OCA2: variants seen among roughly 807,000 people sequenced by gnomAD.
OCA2 encodes OCA2 melanosomal transmembrane protein.
A neutral mutation model predicts 100.2 loss-of-function variants in OCA2; 77 were observed. The ratio of observed to expected loss-of-function variants is 0.77; its 90% CI spans 0.64 to 0.93. The LOEUF (loss-of-function observed/expected upper bound fraction) is 0.93, where lower values mean the gene tolerates loss of function less well. Among genes scored for constraint, OCA2 ranks in the 40% least tolerant of loss-of-function variants. OCA2 has a pLI of 0.00. For synonymous variants in OCA2, 432 were observed against 439.2 expected (o/e 0.98, Z 0.21); for missense variants, 1,062 against 1,089.1 (o/e 0.98, Z 0.35).
chr15:27,982,938 T>TA (rs1264257769), intron 14 of OCA2, among the ~76,000 whole-genome samples: 1 of 152,202 alleles, frequency 6.6e-6, no homozygotes, highest in Non-Finnish European at 1.5e-5. Flanking sequence ...TTCTGACCCT[T>TA]AAAAAATAAA....
chr15:27,953,105 G>C (rs1316102424), intron 17 of OCA2, among the ~76,000 whole-genome samples: 1 of 152,196 alleles, frequency 6.6e-6, no homozygotes, highest in Non-Finnish European at 1.5e-5. Context: ...GTAGCTTCAT[G>C]GATGCAGGTG....
At chr15:27,778,592 T>C (rs1186659888) in intron 23 of OCA2, among the ~76,000 whole-genome samples, 2 of 151,410 alleles carry the variant, frequency 1.3e-5, no homozygotes, top group South Asian at 2.1e-4. Flanking sequence ...ACATATCTTG[T>C]AGAGAAAAAA....
rs2043981362 is a variant in OCA2 at position 28,064,953 on chromosome 15, G to A, written c.227+16695C>T. The stretch of plus-strand genomic sequence containing the variant: ...TATTAAATGCTGTAGCAGTCCGTTG[G>A]TTTAGGTACTTTTCCAAACTATTTT... On this transcript the variant is annotated intron_variant, in intron 2 of 23. Transcript: ENST00000354638. Among the ~76,000 whole-genome samples the A allele has an allele frequency of 2.0e-5, 3 of 151,828 alleles. No individual in the cohort carries two copies. In the South Asian group the frequency reaches 6.2e-4, roughly 32 times the overall value.
intron 1 of OCA2, among the ~76,000 whole-genome samples, chr15:28,094,811 C>G (rs1418980822): frequency 6.6e-6 from 1 of 152,198 alleles, no homozygotes; most frequent in Non-Finnish European, 1.5e-5. Flanking sequence ...TCAGAGCGCG[C>G]CAGACGCTCA....
intron 23 of OCA2, among the ~76,000 whole-genome samples, chr15:27,764,598 C>T (rs2031107330): frequency 6.6e-6 from 1 of 152,194 alleles, no homozygotes; most frequent in African/African-American, 2.4e-5. Context: ...CATGCATTTG[C>T]TTGCTGTCTA....
intron 23 of OCA2, among the ~76,000 whole-genome samples, chr15:27,793,242 G>C (rs761621601): frequency 5.9e-5 from 9 of 152,102 alleles, no homozygotes; most frequent in Non-Finnish European, 1.2e-4. Flanking sequence ...GCTCAGCTAG[G>C]TTTCAGAGCT....
chr15:28,066,127 C>A (rs2044016276), intron 2 of OCA2, among the ~76,000 whole-genome samples: 1 of 152,104 alleles, frequency 6.6e-6, no homozygotes, highest in Admixed American at 6.5e-5. Flanking sequence ...CAACACTGAA[C>A]AAATGTAAAT....
At chr15:28,040,004 C>T (rs2043155525) in intron 2 of OCA2, among the ~76,000 whole-genome samples, 9 of 150,854 alleles carry the variant, frequency 6.0e-5, no homozygotes, top group Admixed American at 5.9e-4. Context: ...TGCACTCCAG[C>T]CTGGGTGACA....
intron 1 of OCA2, among the ~76,000 whole-genome samples, chr15:28,084,945 C>T (rs1387748745): frequency 6.6e-6 from 1 of 152,190 alleles, no homozygotes; most frequent in African/African-American, 2.4e-5. Context: ...ACATCCACCA[C>T]TTTGCTGTAT....
intron 18 of OCA2, among the ~76,000 whole-genome samples, chr15:27,938,625 T>C (rs2039540992): frequency 6.6e-6 from 1 of 152,178 alleles, no homozygotes; most frequent in East Asian, 1.9e-4. Flanking sequence ...TCACCAAATA[T>C]GAAGACCTCT....
intron 19 of OCA2, among the ~76,000 whole-genome samples, chr15:27,909,117 C>T (rs1405149299): frequency 6.6e-6 from 1 of 152,090 alleles, no homozygotes; most frequent in East Asian, 1.9e-4. Context: ...AAAAAATAAA[C>T]AGTAGAGAAC....
chr15:27,912,769 A>G (rs1456250315), intron 19 of OCA2, among the ~76,000 whole-genome samples: 1 of 152,224 alleles, frequency 6.6e-6, no homozygotes, highest in Non-Finnish European at 1.5e-5. Context: ...GAAAAACACA[A>G]TGTTAGTATA....
chr15:27,938,212 T>C (rs1225993151), intron 18 of OCA2, among the ~76,000 whole-genome samples: 1 of 152,148 alleles, frequency 6.6e-6, no homozygotes, highest in Non-Finnish European at 1.5e-5. Context: ...TAGGTCCTCT[T>C]AAACCAAATG....
chr15:27,816,447 C>T lies in OCA2; in HGVS notation c.2432+28512G>A, dbSNP rs569485323. On this transcript the variant is annotated intron_variant, in intron 23 of 23. Transcript: ENST00000354638. ...CTTCAGATATAAAGTAGCCACCAGG[C>T]GCCTTACTTCATTTGTTCAAGAAAG... 5.9e-5 allele frequency among the ~76,000 whole-genome samples: 9 copies of T among 152,278 alleles called. No individual in the cohort carries two copies. The East Asian group carries it at 7.7e-4, about 13-fold the overall frequency.
chr15:28,021,765 C>T (rs2141290439), intron 6 of OCA2, among the ~76,000 whole-genome samples: 1 of 152,098 alleles, frequency 6.6e-6, no homozygotes, highest in East Asian at 1.9e-4. Flanking sequence ...AATCTGGCAG[C>T]CAGAGGGCGC....
chr15:27,970,949 A>G (rs951246876), intron 14 of OCA2, among the ~76,000 whole-genome samples: 39 of 152,060 alleles, frequency 2.6e-4, no homozygotes, highest in African/African-American at 9.4e-4. Context: ...TACGGCAGGG[A>G]AAGCCTGAAG....
At chr15:28,032,261 A>G in intron 2 of OCA2, 98 bp from the exon 3 acceptor site, 3 of 958,762 alleles carry the variant, frequency 3.1e-6, no homozygotes, top group Non-Finnish European at 5.1e-6. Context: ...CCCAAGATTC[A>G]GTGATAAATC....
chr15:27,943,157 G>A (rs1029387869), intron 18 of OCA2, among the ~76,000 whole-genome samples: 5 of 151,938 alleles, frequency 3.3e-5, no homozygotes, highest in Admixed American at 6.6e-5. Flanking sequence ...ACCAACTGAC[G>A]GACCCCCTCT....
chr15:27,854,982 A>T (rs1363969175), intron 21 of OCA2, among the ~76,000 whole-genome samples: 1 of 152,230 alleles, frequency 6.6e-6, no homozygotes, highest in Admixed American at 6.5e-5. Flanking sequence ...TGCGAGGTCC[A>T]TCACCCAAAG....
Sources: allele counts gnomAD v4.1 joint callset (sites outside exome capture counted in the v4.1 genomes callset), GRCh38; gene constraint gnomAD v4.1.1; transcripts MANE v1.5; gene names NCBI Gene and HGNC (gene_info 2026-07-23, HGNC 2026-07-21).